The following MAVS variants were observed in gnomAD, a reference collection of about 807,000 sequenced individuals.
MAVS encodes mitochondrial antiviral signaling protein.
In MAVS, 20 loss-of-function variants were observed where a neutral mutation model predicts 30.2. The ratio of observed to expected loss-of-function variants is 0.66; its 90% CI spans 0.47 to 0.96. MAVS has a LOEUF of 0.96. Among genes scored for constraint, MAVS ranks in the 40% least tolerant of loss-of-function variants. The pLI is 0.00. For missense variants in MAVS, 624 were observed against 701.1 expected (o/e 0.89, Z 1.24); for synonymous variants, 278 against 293.9 (o/e 0.95, Z 0.55).
At position 3,865,944 on chromosome 20, in the gene MAVS, C is replaced by A; in HGVS notation, c.1420C>A (p.Pro474Thr). 1 of 1,613,724 alleles carries A rather than the reference C, an allele frequency of 6.2e-7. No individual in the cohort carries two copies. The highest frequency in any genetic ancestry group is 1.7e-4 in the Middle Eastern group (1 of 6,060). The change falls in exon 7 of 7, where the codon CCC becomes ACC. Residue 474 changes from proline (P) to threonine (T), a missense_variant. Physicochemically the swap from Pro to Thr is conservative, Grantham distance 38 (BLOSUM62 -1). Coordinates refer to ENST00000428216, the MANE Select transcript of MAVS (RefSeq NM_020746.5). The surrounding 1 kb of genome is among the most constrained non-coding windows in gnomAD (Gnocchi z 4.7). ...GTFGIHVAEN[P>T]SIQLLEGNPG... ...CTTTGGGATCCACGTGGCTGAGAAC[C>A]CCAGCATCCAGCTCCTGGAGGGCAA...
Position 3,863,182 on chromosome 20 carries a change from G to C in MAVS, c.625+769G>C, listed in dbSNP as rs150224686. Among the ~76,000 whole-genome samples, 128 of 152,246 alleles carry C rather than the reference G, an allele frequency of 8.4e-4. 4 individuals carry two copies. The highest frequency in any genetic ancestry group is 2.9e-3 in the African/African-American group (122 of 41,534). ...CCCAGTGAATCATGAAAACTTCTCA[G>C]TCCCCAGAGGAAGTAAGGTCTTCAT... is the stretch of plus-strand genomic sequence containing the variant. On this transcript the variant is annotated intron_variant, in intron 5 of 6. Coordinates refer to ENST00000428216, the MANE Select transcript of MAVS (RefSeq NM_020746.5).
At chr20:3,856,290 A>G (rs1400158572) in intron 2 of MAVS, among the ~76,000 whole-genome samples, 4 of 149,992 alleles carry the variant, frequency 2.7e-5, no homozygotes, top group Admixed American at 6.7e-5. Context: ...TCCTGACCTC[A>G]TGATCCACCC....
intron 1 of MAVS, among the ~76,000 whole-genome samples, chr20:3,854,253 T>C (rs1180133089): frequency 6.6e-6 from 1 of 151,236 alleles, no homozygotes; most frequent in African/African-American, 2.4e-5. Flanking sequence ...AAACCCCATC[T>C]CTACTAAAAA....
At chr20:3,862,468 GA>G in intron 5 of MAVS, 55 bp downstream of exon 5, 2 of 1,534,416 alleles carry the variant, frequency 1.3e-6, no homozygotes, top group Non-Finnish European at 1.8e-6. Flanking sequence ...GTGAGGGTAA[GA>G]ATTAGAGTTG....
In MAVS at chr20:3,861,592, C is replaced by A. The variant is rs530721733; in HGVS notation, c.465+88C>A. 2.2e-6 allele frequency: 3 copies of A among 1,388,674 alleles called. No homozygotes were observed. In the East Asian group the frequency reaches 7.1e-5, roughly 33 times the overall value. 86.0% of individuals were successfully genotyped at this position (1,388,674 alleles called of 1,614,324 possible). ...ATTGAGCCTTCCAGAAACCCTCTCC[C>A]GTCCCCTATAAATCACGCCTAATCT... On this transcript the variant is annotated intron_variant, in intron 4 of 6. Coordinates refer to ENST00000428216, the MANE Select transcript of MAVS (RefSeq NM_020746.5).
chr20:3,855,139 T>C (rs2089799294), intron 2 of MAVS, among the ~76,000 whole-genome samples: 1 of 152,118 alleles, frequency 6.6e-6, no homozygotes, highest in Non-Finnish European at 1.5e-5. Context: ...TCCGCCTGCC[T>C]CGGCCTCCCA....
intron 1 of MAVS, among the ~76,000 whole-genome samples, chr20:3,852,011 C>CTTTTTTTTTTTTTTTTTTTTT (rs1278577898): frequency 2.1e-5 from 1 of 47,222 alleles, no homozygotes; most frequent in African/African-American, 1.1e-4. Context: ...TTTTTTTCCC[C>CTTTTTTTTTTTTTTTTTTTTT]CGAGACGGAA....
At chr20:3,847,787 C>T (rs1422409288) in intron 1 of MAVS, among the ~76,000 whole-genome samples, 1 of 152,124 alleles carries the variant, frequency 6.6e-6, no homozygotes, top group East Asian at 1.9e-4. Flanking sequence ...TCTCTGTGCC[C>T]TGCAAGGTGT....
Position 3,864,795 on chromosome 20 carries a change from C to T in MAVS, c.1158+7C>T, listed in dbSNP as rs200561904. 468 of 1,609,468 alleles carry T rather than the reference C, an allele frequency of 2.9e-4. 1 individual carries two copies. The African/African-American group carries it at 5.6e-3, about 19-fold the overall frequency. ...CGGGAGCAGCAGAAATGAGGTGAGTCCTCGCCCTTCCTGGCAGGGATCCTG... is the reference window on the plus strand; with the variant it reads ...CGGGAGCAGCAGAAATGAGGTGAGTTCTCGCCCTTCCTGGCAGGGATCCTG... On this transcript the variant is annotated splice_region_variant and intron_variant, in intron 6 of 6. Coordinates refer to ENST00000428216, the MANE Select transcript of MAVS (RefSeq NM_020746.5).
In MAVS at chr20:3,865,525, C is replaced by T. The variant is rs1242468221; in HGVS notation, c.1159-158C>T. Among the ~76,000 whole-genome samples the T allele has an allele frequency of 6.6e-6, 1 of 152,176 alleles. No homozygotes were observed. The highest frequency in any genetic ancestry group is 1.5e-5 in the Non-Finnish European group (1 of 68,012). ...GGTGCAGATTCTTGGTCCCCTCTACCCCCACTGCTCCAAGAAAAGGTGGCC... is the reference window on the plus strand; with the variant it reads ...GGTGCAGATTCTTGGTCCCCTCTACTCCCACTGCTCCAAGAAAAGGTGGCC... On this transcript the variant is annotated intron_variant, in intron 6 of 6. Coordinates refer to ENST00000428216, the MANE Select transcript of MAVS (RefSeq NM_020746.5). The surrounding 1 kb of genome is among the most constrained non-coding windows in gnomAD (Gnocchi z 4.7).
chr20:3,857,838 C>G, intron 3 of MAVS, 29 bp downstream of exon 3: 1 of 1,612,144 alleles, frequency 6.2e-7, no homozygotes, highest in South Asian at 1.1e-5. Context: ...CCCTCCTGGA[C>G]CCCCAGCCTG....
Position 3,862,319 on chromosome 20 carries a change from C to A in MAVS, c.531C>A (p.Pro177=). 1 of 1,614,108 alleles carries A rather than the reference C, an allele frequency of 6.2e-7. No individual in the cohort carries two copies. The highest frequency in any genetic ancestry group is 8.5e-7 in the Non-Finnish European group (1 of 1,180,018). ...RAIPRNPDGG[P]LESSSDLAAL... is the part of the protein sequence containing the mutation. The stretch of plus-strand genomic sequence containing the variant: ...TCCCAAGGAATCCAGATGGTGGCCC[C>A]CTGGAGTCCTCCTCTGACCTGGCAG... The change falls in exon 5 of 7, where the codon CCC becomes CCA. Residue 177 remains proline, a synonymous_variant. Transcript: ENST00000428216.
chr20:3,854,783 G>A (rs1195186539), intron 2 of MAVS, 42 bp downstream of exon 2: 1 of 1,440,732 alleles, frequency 6.9e-7, no homozygotes, highest in South Asian at 1.2e-5. Flanking sequence ...CCTGGGGGCA[G>A]GGCTGTGGAA....
rs1436640173 is a variant in MAVS at position 3,868,088 on chromosome 20, G to A, written c.*1941G>A. ...CCCTAGGGGAGTTCAGCAACCTAAT[G>A]ATCTCTATCTCTGAACATCTCTTCA... On this transcript the variant is annotated 3_prime_UTR_variant, in exon 7 of 7. Coordinates refer to ENST00000428216, the MANE Select transcript of MAVS (RefSeq NM_020746.5). The A allele has an allele frequency of 6.6e-6, 1 of 152,302 alleles. No individual in the cohort carries two copies. Among genetic ancestry groups the A allele is most frequent in the Non-Finnish European group, 1.5e-5 (1 of 68,100 alleles). The allele number at this position is 152,302 out of a possible 1,614,324, so 9.4% of individuals were successfully genotyped here.
chr20:3,849,416 G>C (rs983983975), intron 1 of MAVS, among the ~76,000 whole-genome samples: 2 of 152,024 alleles, frequency 1.3e-5, no homozygotes, highest in African/African-American at 4.8e-5. Flanking sequence ...TGTTGGCGAG[G>C]CTGGTCTCAA....
chr20:3,857,929 C>G (rs541858930), intron 3 of MAVS, 120 bp downstream of exon 3: 2 of 1,153,286 alleles, frequency 1.7e-6, no homozygotes, highest in East Asian at 2.5e-5. Context: ...CACTGTGAAG[C>G]GATGAATAAA....
intron 4 of MAVS, 93 bp downstream of exon 4, chr20:3,861,597 C>T (rs1944123926): frequency 7.4e-7 from 1 of 1,349,034 alleles, no homozygotes; most frequent in African/African-American, 1.5e-5. Context: ...TCTCCCGTCC[C>T]CTATAAATCA....
At chr20:3,862,132 C>T in intron 4 of MAVS, 122 bp from the exon 5 acceptor site, 2 of 1,144,120 alleles carry the variant, frequency 1.7e-6, no homozygotes, top group Admixed American at 2.8e-5. Context: ...GCAAGGGCTC[C>T]CCTGGCTCCT....
chr20:3,847,766 C>T lies in MAVS; in HGVS notation c.-68+863C>T, dbSNP rs150551088. 8.0e-3 allele frequency among the ~76,000 whole-genome samples: 1,221 copies of T among 152,254 alleles called. 7 individuals carry two copies. Among genetic ancestry groups the T allele is most frequent in the Middle Eastern group, 0.02 (6 of 294 alleles). On this transcript the variant is annotated intron_variant, in intron 1 of 6. Coordinates refer to ENST00000428216, the MANE Select transcript of MAVS (RefSeq NM_020746.5). ...TGAAGGCAGGTGGCTGTGTGGGTCTCGCTGCAGGGGTCTCTGTGCCCTGCA... is the reference window on the plus strand; with the variant it reads ...TGAAGGCAGGTGGCTGTGTGGGTCTTGCTGCAGGGGTCTCTGTGCCCTGCA...
Sources: gnomAD v4.1 joint callset for allele counts (sites outside exome capture counted in the v4.1 genomes callset) on GRCh38, gnomAD v4.1.1 for gene constraint, Gnocchi (gnomAD v3.1) non-coding constraint, MANE v1.5 for transcripts, NCBI Gene and HGNC (gene_info 2026-07-23, HGNC 2026-07-21) for gene names.